Variants in PTAFR observed in about 807,000 individuals in gnomAD.
PTAFR encodes platelet activating factor receptor.
PTAFR carries 8 observed loss-of-function variants against 14.7 expected under a neutral mutation model. That is an observed-to-expected ratio of 0.54 (90% confidence interval 0.32 to 0.98). The LOEUF (loss-of-function observed/expected upper bound fraction) is 0.98. Among genes scored for constraint, PTAFR ranks in the 50% least tolerant of loss-of-function variants. The probability of loss-of-function intolerance (pLI) is 0.04; values close to 1 mark genes in which losing one functional copy is unlikely to be tolerated. For synonymous variants in PTAFR, 156 were observed against 176.5 expected (o/e 0.88, Z 0.92); for missense variants, 337 against 451.2 (o/e 0.75, Z 2.29).
chr1:28,156,694 T>C (rs565191764), intron 1 of PTAFR, among the ~76,000 whole-genome samples: 3 of 152,362 alleles, frequency 2.0e-5, no homozygotes, highest in East Asian at 1.9e-4. Context: ...AAAAGGACCC[T>C]GAGACCAGAA....
rs1285474172 is a variant in PTAFR, at chr1:28,149,125, G to A, written c.*868C>T. 6.6e-6 allele frequency: 1 copy of A among 152,250 alleles called. No individual in the cohort carries two copies. Among genetic ancestry groups the A allele is most frequent in the Non-Finnish European group, 1.5e-5 (1 of 68,092 alleles). The allele number at this position is 152,250 out of a possible 1,614,324, so 9.4% of individuals were successfully genotyped here. A position where few individuals can be genotyped will look rare whatever the true frequency, so the allele number is the denominator to read the frequency against. On this transcript the variant is annotated 3_prime_UTR_variant, in exon 2 of 2. Transcript: ENST00000373857. ...TTTATCTTCTTTGGTCACCATTAGG[G>A]ACAGGTTGCCAGATGAGTCAGAGAA... is the stretch of plus-strand genomic sequence containing the variant.
chr1:28,181,366 T>C (rs2149006280), upstream of PTAFR, among the ~76,000 whole-genome samples: 1 of 152,328 alleles, frequency 6.6e-6, no homozygotes, highest in East Asian at 1.9e-4. Flanking sequence ...AGTTTACTCC[T>C]GTTACAGAAG....
intron 1 of PTAFR, among the ~76,000 whole-genome samples, chr1:28,157,785 C>T (rs536406189): frequency 6.6e-6 from 1 of 151,950 alleles, no homozygotes. Flanking sequence ...CCTGCCACGA[C>T]GCCCGGCTAA....
chr1:28,173,952 G>C (rs973600865), intron 1 of PTAFR, among the ~76,000 whole-genome samples: 1 of 152,186 alleles, frequency 6.6e-6, no homozygotes, highest in Non-Finnish European at 1.5e-5. Context: ...CTGCTCCTGG[G>C]AGGGGAGCTG....
Position 28,168,025 on chromosome 1 carries a change from C to A in PTAFR, c.-39+8567G>T, listed in dbSNP as rs184347406. Among the ~76,000 whole-genome samples the A allele has an allele frequency of 2.3e-3, 297 of 128,012 alleles. 1 individual carries two copies. The highest frequency in any genetic ancestry group is 3.6e-3 in the Non-Finnish European group (229 of 63,946). The allele number at this position is 128,012 out of a possible 152,430, so 84.0% of individuals were successfully genotyped here. A position where few individuals can be genotyped will look rare whatever the true frequency, so the allele number is the denominator to read the frequency against. ...GCAGGCTGGAGTGCAGTGGCGCAAT[C>A]TCGGCTCGCTGCAAGCTCCGCCTCC... On this transcript the variant is annotated intron_variant, in intron 1 of 1. Coordinates refer to ENST00000373857, the MANE Select transcript of PTAFR (RefSeq NM_000952.5).
intron 1 of PTAFR, among the ~76,000 whole-genome samples, chr1:28,152,254 A>C (rs926544557): frequency 1.3e-5 from 2 of 152,134 alleles, no homozygotes; most frequent in African/African-American, 4.8e-5. Flanking sequence ...ATAGCACCTG[A>C]TAGTCAATAC....
intron 1 of PTAFR, among the ~76,000 whole-genome samples, chr1:28,169,957 G>T (rs957796684): frequency 6.7e-6 from 1 of 149,954 alleles, no homozygotes; most frequent in Admixed American, 6.7e-5. Context: ...CCAAGATGAC[G>T]CCATTGCACT....
intron 1 of PTAFR, 124 bp from the exon 2 acceptor site, chr1:28,151,183 C>T (rs542976334): frequency 8.1e-6 from 4 of 491,292 alleles, no homozygotes; most frequent in East Asian, 3.7e-5. Flanking sequence ...CATGTTGAAT[C>T]TTTTTTTTTT....
At chr1:28,164,375 C>T (rs1646358933) in intron 1 of PTAFR, among the ~76,000 whole-genome samples, 1 of 152,220 alleles carries the variant, frequency 6.6e-6, no homozygotes, top group Non-Finnish European at 1.5e-5. Flanking sequence ...AGGGTGCATT[C>T]ACCAACAGGG....
intron 1 of PTAFR, among the ~76,000 whole-genome samples, chr1:28,193,221 G>A (rs1646670162): frequency 6.6e-6 from 1 of 152,080 alleles, no homozygotes; most frequent in South Asian, 2.1e-4. Flanking sequence ...ACCTTGCGGA[G>A]TAGGTTTGTT....
Position 28,169,130 on chromosome 1 carries a change from C to T in PTAFR, c.-39+7462G>A, listed in dbSNP as rs533504272. Among the ~76,000 whole-genome samples the T allele has an allele frequency of 1.2e-4, 18 of 152,212 alleles. No individual in the cohort carries two copies. The South Asian group carries it at 1.5e-3, about 12-fold the overall frequency. On this transcript the variant is annotated intron_variant, in intron 1 of 1. Transcript: ENST00000373857. ...GGGACCAGGCACATGGCTGGAATTACGTGGCCTGTAATTCCAGCACTTTGG... is the reference window on the plus strand; with the variant it reads ...GGGACCAGGCACATGGCTGGAATTATGTGGCCTGTAATTCCAGCACTTTGG...
At chr1:28,185,948 C>CT (rs890360403) in intron 1 of PTAFR, among the ~76,000 whole-genome samples, 83 of 151,282 alleles carry the variant, frequency 5.5e-4, no homozygotes, top group South Asian at 1.7e-3. Context: ...ACTATTTTGG[C>CT]TTTTTTTTTG....
intron 1 of PTAFR, among the ~76,000 whole-genome samples, chr1:28,154,680 T>C (rs1186160889): frequency 6.6e-6 from 1 of 151,518 alleles, no homozygotes; most frequent in Non-Finnish European, 1.5e-5. Flanking sequence ...GGCATGGTGG[T>C]GGGCACTTGT....
chr1:28,162,947 T>C lies in PTAFR; in HGVS notation c.-38-11888A>G, dbSNP rs72875095. On this transcript the variant is annotated intron_variant, in intron 1 of 1. Coordinates refer to ENST00000373857, the MANE Select transcript of PTAFR (RefSeq NM_000952.5). ...AACAACTGCCAGCCACACACTTGCC[T>C]GGGCTAACATCTTCCGTGGCTCCCC... is the stretch of plus-strand genomic sequence containing the variant. Among the ~76,000 whole-genome samples the C allele has an allele frequency of 7.0e-3, 1,070 of 151,950 alleles. 15 individuals carry two copies. Among genetic ancestry groups the C allele is most frequent in the African/African-American group, 0.022 (913 of 41,434 alleles).
At chr1:28,190,090 G>A (rs574048777) in intron 1 of PTAFR, among the ~76,000 whole-genome samples, 12 of 151,920 alleles carry the variant, frequency 7.9e-5, no homozygotes, top group African/African-American at 2.7e-4. Flanking sequence ...CTCCTGCCTC[G>A]GCCTCCCAAG....
chr1:28,150,894 A>C lies in PTAFR; in HGVS notation c.128T>G (p.Leu43Arg), dbSNP rs1478666700. The change falls in exon 2 of 2, where the codon CTG becomes CGG. Residue 43 changes from leucine to arginine, a missense_variant. By Grantham distance (102) the Leu-to-Arg change is moderately radical. Transcript: ENST00000373857. This position sits in a 1 kb window ranked among gnomAD's most constrained non-coding sequence, Gnocchi z 6.3. ...NGYVLWVFARLYPCKKFNEIK... is the reference protein window; with the variant it reads ...NGYVLWVFARRYPCKKFNEIK... ...CTCATTGAATTTCTTGCAAGGGTAC[A>C]GGCGGGCAAAGACCCACAGCACGTA... The C allele has an allele frequency of 6.2e-7, 1 of 1,614,164 alleles. No individual in the cohort carries two copies. The highest frequency in any genetic ancestry group is 8.5e-7 in the Non-Finnish European group (1 of 1,180,026).
chr1:28,157,858 C>G (rs994766789), intron 1 of PTAFR, among the ~76,000 whole-genome samples: 32 of 151,126 alleles, frequency 2.1e-4, no homozygotes, highest in African/African-American at 7.3e-4. Context: ...TCTTGATCTC[C>G]TGACCTTGTG....
At chr1:28,182,203 G>A (rs1247971544) in intron 1 of PTAFR, among the ~76,000 whole-genome samples, 1 of 151,992 alleles carries the variant, frequency 6.6e-6, no homozygotes, top group African/African-American at 2.4e-5. Context: ...TGGCATAGTG[G>A]CACATGCCTG....
Position 28,168,064 on chromosome 1 carries a change from T to C in PTAFR, c.-39+8528A>G, listed in dbSNP as rs1646409122. Among the ~76,000 whole-genome samples the C allele has an allele frequency of 2.1e-5, 3 of 144,816 alleles. No individual in the cohort carries two copies. In the South Asian group the frequency reaches 6.8e-4, roughly 33 times the overall value. On this transcript the variant is annotated intron_variant, in intron 1 of 1. Transcript: ENST00000373857. ...AGCTCCGCCTCCCGGGTTCACGCCA[T>C]TCTCCCGCCTCAGTCTCCCGAGTAG...
Sources: allele counts gnomAD v4.1 joint callset (sites outside exome capture counted in the v4.1 genomes callset), GRCh38; gene constraint gnomAD v4.1.1; non-coding constraint Gnocchi (gnomAD v3.1); transcripts MANE v1.5; gene names NCBI Gene and HGNC (gene_info 2026-07-23, HGNC 2026-07-21).